The following CTBP2 variants were observed in gnomAD, a reference collection of about 807,000 sequenced individuals.
CTBP2 encodes the protein C-terminal-binding protein 2.
Under a neutral mutation model 80.3 loss-of-function variants are expected in CTBP2, and 30 were observed. The observed-to-expected ratio is 0.37, with a 90% confidence interval of 0.28 to 0.51. The LOEUF is 0.51. CTBP2 is among the 20% of genes least tolerant of loss of function. The probability of loss-of-function intolerance (pLI) is 0.93; values close to 1 mark genes in which losing one functional copy is unlikely to be tolerated. For synonymous variants in CTBP2, 594 were observed against 587.4 expected, an observed-to-expected ratio of 1.01 and a Z score of -0.16; for missense variants, 1,212 against 1,375.3, an observed-to-expected ratio of 0.88 and a Z score of 1.88.
rs554842941 is a variant in CTBP2, at chr10:125,085,684, G to T, written c.-102+25306C>A. Among the ~76,000 whole-genome samples, 5 of 152,314 alleles carry T rather than the reference G, an allele frequency of 3.3e-5. No individual in the cohort carries two copies. The South Asian group carries it at 1.0e-3, about 32-fold the overall frequency. On this transcript the variant is annotated intron_variant, in intron 2 of 10. Transcript: ENST00000337195. ...AATCTAGTCCTGTCAGCTTTAAACT[G>T]GCCACCTTGCATTAACAGGGACTCT...
At chr10:125,005,858 CA>C in intron 1 of CTBP2, 1 of 1,571,406 alleles carries the variant, frequency 6.4e-7, no homozygotes, top group Non-Finnish European at 8.6e-7. Context: ...ACTTCACTTT[CA>C]GGGGTGCTGG....
intron 2 of CTBP2, among the ~76,000 whole-genome samples, chr10:125,087,193 G>A (rs1265812058): frequency 6.6e-6 from 1 of 151,318 alleles, no homozygotes; most frequent in Non-Finnish European, 1.5e-5. Context: ...TCCCGCCTCA[G>A]CCTCCCGAGT....
intron 2 of CTBP2, among the ~76,000 whole-genome samples, chr10:125,075,726 T>TA (rs1184071182): frequency 6.6e-6 from 1 of 152,164 alleles, no homozygotes; most frequent in Admixed American, 6.5e-5. Context: ...AAATATAGAT[T>TA]AAAACGTGCT....
At chr10:125,111,193 A>G (rs1336217028) in intron 1 of CTBP2, 100 bp from the exon 2 acceptor site, 3 of 152,030 alleles carry the variant, frequency 2.0e-5, no homozygotes, top group South Asian at 4.1e-4. Context: ...AATGCCTTCG[A>G]CTCTAAGCTA....
intron 2 of CTBP2, among the ~76,000 whole-genome samples, chr10:125,043,278 GCA>G (rs967562953): frequency 1.3e-5 from 2 of 152,184 alleles, no homozygotes; most frequent in African/African-American, 4.8e-5. Context: ...CCCTCATCAA[GCA>G]CAGTCTAAAA....
At chr10:125,067,089 T>C (rs1481935702) in intron 2 of CTBP2, among the ~76,000 whole-genome samples, 2 of 152,220 alleles carry the variant, frequency 1.3e-5, no homozygotes, top group African/African-American at 4.8e-5. Flanking sequence ...GGCAAAGGCT[T>C]ACACTTTTTT....
At chr10:125,126,336 A>G (rs965020369) in intron 1 of CTBP2, among the ~76,000 whole-genome samples, 5 of 152,268 alleles carry the variant, frequency 3.3e-5, no homozygotes, top group African/African-American at 4.8e-5. Context: ...CTTAACGACC[A>G]AAGCCAAACT....
rs549715386 is a variant in CTBP2, at chr10:125,027,663, G to T, written c.97C>A (p.Arg33=). ...AGGGAGCTTCTCCTCCCCAGAGGCC[G>T]CAGGGACTCGGCGTTCTCCCAGGGG... The change falls in exon 1 of 9, where the codon CGG becomes AGG. Residue 33 remains arginine (R), a synonymous_variant. Coordinates refer to ENST00000309035, the MANE Select transcript of CTBP2 (RefSeq NM_022802.3). 1 of 1,613,980 alleles carries T rather than the reference G, an allele frequency of 6.2e-7. No homozygotes were observed. Among genetic ancestry groups the T allele is most frequent in the East Asian group, 2.2e-5 (1 of 44,868 alleles).
Position 125,014,804 on chromosome 10 carries a change from C to T in CTBP2, c.1678+11278G>A, listed in dbSNP as rs558487007. On this transcript the variant is annotated intron_variant, in intron 1 of 8. Transcript: ENST00000309035. ...CCGTGGTGGACAAGACCAGTGACCA[C>T]GGCTGCTCAGAATCCAGGCTCTCCA... Among the ~76,000 whole-genome samples, 3 of 152,344 alleles carry T rather than the reference C, an allele frequency of 2.0e-5. No individual in the cohort carries two copies. The South Asian group carries it at 6.2e-4, about 32-fold the overall frequency.
At chr10:125,096,755 T>C (rs1347156590) in intron 2 of CTBP2, among the ~76,000 whole-genome samples, 1 of 133,682 alleles carries the variant, frequency 7.5e-6, no homozygotes, top group African/African-American at 2.8e-5. Flanking sequence ...AGAGACTTGT[T>C]TGGTGGAATT....
At chr10:125,109,500 G>A (rs60097619) in intron 2 of CTBP2, among the ~76,000 whole-genome samples, 5,393 of 152,304 alleles carry the variant, frequency 0.035, 312 homozygotes, top group African/African-American at 0.12. Flanking sequence ...AGTAAGCAAC[G>A]TTTGTCCTGA....
chr10:125,082,586 C>CCA (rs1847335011), intron 2 of CTBP2, among the ~76,000 whole-genome samples: 1 of 137,606 alleles, frequency 7.3e-6, no homozygotes, highest in African/African-American at 3.0e-5. Flanking sequence ...TGCCAGCTTT[C>CCA]CTCTTTTTTT....
chr10:124,994,377 C>A, intron 5 of CTBP2, 92 bp downstream of exon 7: 1 of 1,276,692 alleles, frequency 7.8e-7, no homozygotes. Context: ...ATCCAGAAAC[C>A]ACCTCCGTTG....
intron 2 of CTBP2, among the ~76,000 whole-genome samples, chr10:125,089,942 G>A (rs539055986): frequency 4.6e-5 from 7 of 152,216 alleles, no homozygotes; most frequent in South Asian, 2.1e-4. Context: ...GAACACTTCC[G>A]ACTAGGCTGC....
At chr10:125,003,521 G>A (rs768155576) in intron 1 of CTBP2, 29 bp from the exon 4 acceptor site, 5 of 1,516,400 alleles carry the variant, frequency 3.3e-6, no homozygotes, top group Non-Finnish European at 4.4e-6. Context: ...TGAGCACAGT[G>A]GGTGGGTGGC....
chr10:125,029,886 C>T (rs2938003), upstream of CTBP2, among the ~76,000 whole-genome samples: 142,448 of 152,196 alleles, frequency 0.94, 66,987 homozygotes, highest in Non-Finnish European at 0.98. Context: ...AGAGAGGTTA[C>T]TGAGCTGGTG....
At chr10:125,011,813 C>G (rs1229310422) in intron 1 of CTBP2, among the ~76,000 whole-genome samples, 1 of 152,200 alleles carries the variant, frequency 6.6e-6, no homozygotes, top group Non-Finnish European at 1.5e-5. Flanking sequence ...AAAACAAAAC[C>G]AAGAGTGATG....
intron 1 of CTBP2, among the ~76,000 whole-genome samples, chr10:125,113,494 C>T (rs942939045): frequency 6.6e-6 from 1 of 152,196 alleles, no homozygotes; most frequent in Non-Finnish European, 1.5e-5. Context: ...ATTAGTGTTG[C>T]TTGTCTTCGT....
chr10:125,103,739 G>T (rs1286556440), intron 2 of CTBP2, among the ~76,000 whole-genome samples: 2 of 152,176 alleles, frequency 1.3e-5, no homozygotes, highest in Non-Finnish European at 2.9e-5. Flanking sequence ...TGATAGGGAG[G>T]ACTCACTTGC....
Sources: gnomAD v4.1 joint callset for allele counts (sites outside exome capture counted in the v4.1 genomes callset) on GRCh38, gnomAD v4.1.1 for gene constraint, MANE v1.5 for transcripts, NCBI Gene and HGNC (gene_info 2026-07-23, HGNC 2026-07-21) for gene names.